Variants in CEP128 observed in about 807,000 individuals in gnomAD.
CEP128 encodes the protein centrosomal protein 128kDa.
A neutral mutation model predicts 156.7 loss-of-function variants in CEP128; 132 were observed. The observed-to-expected ratio is 0.84, with a 90% CI of 0.73 to 0.97. The LOEUF (loss-of-function observed/expected upper bound fraction) is 0.97. Among genes scored for constraint, CEP128 ranks in the 50% least tolerant of loss-of-function variants. CEP128 has a pLI of 0.00. For missense variants in CEP128, 1,252 were observed against 1,281.9 expected (o/e 0.98, Z 0.36); for synonymous variants, 469 against 448.9 (o/e 1.04, Z -0.57).
chr14:80,527,948 C>T (rs1294280779), intron 22 of CEP128, among the ~76,000 whole-genome samples: 1 of 151,660 alleles, frequency 6.6e-6, no homozygotes, highest in Non-Finnish European at 1.5e-5. Flanking sequence ...ATTATTTAGA[C>T]ATTTCTATTA....
chr14:80,578,700 T>C (rs1891459060), intron 20 of CEP128, among the ~76,000 whole-genome samples: 1 of 152,192 alleles, frequency 6.6e-6, no homozygotes, highest in South Asian at 2.1e-4. Flanking sequence ...TCACCTCTGA[T>C]AATCATATGT....
chr14:80,748,362 A>G lies in CEP128; in HGVS notation c.2614-5095T>C, dbSNP rs150860622. Among the ~76,000 whole-genome samples, 63 of 152,314 alleles carry G rather than the reference A, an allele frequency of 4.1e-4. 1 individual carries two copies. The East Asian group carries it at 9.8e-3, about 24-fold the overall frequency. ...AGATAAAATATGTACTTTCTATTATAATTTTCTACTGAAGCACTAACGAAG... is the reference window on the plus strand; with the variant it reads ...AGATAAAATATGTACTTTCTATTATGATTTTCTACTGAAGCACTAACGAAG... On this transcript the variant is annotated intron_variant, in intron 18 of 24. Coordinates refer to ENST00000555265, the MANE Select transcript of CEP128 (RefSeq NM_152446.5).
chr14:80,793,031 A>G lies in CEP128; in HGVS notation c.1289T>C (p.Phe430Ser), dbSNP rs754157712. ...CTTACGCTCGGCCTCACATGTGTCA[A>G]AGTGATTCTGGATCTCCTTAAGTCG... ...LDRLKEIQNH[F>S]DTCEAERKHA... The change falls in exon 14 of 25, where the codon TTT becomes TCT. Residue 430 changes from phenylalanine (F) to serine (S), a missense_variant. By Grantham distance (155) the Phe-to-Ser change is radical. Coordinates refer to ENST00000555265, the MANE Select transcript of CEP128 (RefSeq NM_152446.5). The G allele has an allele frequency of 3.1e-6, 5 of 1,614,050 alleles. No homozygotes were observed. The highest frequency in any genetic ancestry group is 4.2e-6 in the Non-Finnish European group (5 of 1,180,032).
chr14:80,575,150 G>T (rs1427881253), intron 20 of CEP128, among the ~76,000 whole-genome samples: 1 of 149,560 alleles, frequency 6.7e-6, no homozygotes, highest in Non-Finnish European at 1.5e-5. Flanking sequence ...TATAGTATAT[G>T]AAATATTCAT....
rs775707762 is a variant in CEP128 at position 80,914,424 on chromosome 14, G to T, written c.148-16C>A. 6.3e-7 allele frequency: 1 copy of T among 1,582,814 alleles called. No individual in the cohort carries two copies. The highest frequency in any genetic ancestry group is 2.2e-5 in the East Asian group (1 of 44,630). On this transcript the variant is annotated splice_polypyrimidine_tract_variant and intron_variant, in intron 3 of 24. Coordinates refer to ENST00000555265, the MANE Select transcript of CEP128 (RefSeq NM_152446.5). ...GACTGGTATCCTTGAGAAAGAAAAT[G>T]GACTGAATTAATTATTCCAAATACT... is the stretch of plus-strand genomic sequence containing the variant.
At chr14:80,650,344 C>A (rs1454503626) in intron 19 of CEP128, among the ~76,000 whole-genome samples, 1 of 152,130 alleles carries the variant, frequency 6.6e-6, no homozygotes, top group Non-Finnish European at 1.5e-5. Context: ...TCTTAATATA[C>A]AATCATGTCA....
intron 8 of CEP128, among the ~76,000 whole-genome samples, chr14:80,880,820 G>A (rs1050136738): frequency 2.0e-4 from 29 of 148,338 alleles, no homozygotes; most frequent in Middle Eastern, 3.5e-3. Flanking sequence ...TCAAGATCTC[G>A]CCACTGCACT....
At chr14:80,956,415 C>T (rs910531630) in intron 2 of CEP128, among the ~76,000 whole-genome samples, 4 of 152,132 alleles carry the variant, frequency 2.6e-5, no homozygotes, top group Non-Finnish European at 5.9e-5. Flanking sequence ...AATAGTACGT[C>T]CAGAACCCTG....
At chr14:80,750,932 T>A (rs1899358249) in intron 18 of CEP128, among the ~76,000 whole-genome samples, 1 of 151,882 alleles carries the variant, frequency 6.6e-6, no homozygotes, top group Non-Finnish European at 1.5e-5. Flanking sequence ...GTCATAAGAG[T>A]GGACTCTATC....
chr14:80,562,094 A>ATT (rs11426786), intron 20 of CEP128, among the ~76,000 whole-genome samples: 1 of 150,828 alleles, frequency 6.6e-6, no homozygotes, highest in Non-Finnish European at 1.5e-5. Context: ...CATCCGGCTA[A>ATT]TTTTTTTATT....
intron 2 of CEP128, among the ~76,000 whole-genome samples, chr14:80,928,878 T>C (rs10130687): frequency 0.064 from 9,744 of 152,038 alleles, 1,028 homozygotes; most frequent in African/African-American, 0.22. Context: ...CAAAAATAAA[T>C]GGGACCTAAT....
At chr14:80,523,428 C>CATTTTTGT (rs1247479390) in intron 23 of CEP128, among the ~76,000 whole-genome samples, 2 of 152,156 alleles carry the variant, frequency 1.3e-5, no homozygotes, top group Non-Finnish European at 2.9e-5. Flanking sequence ...TAGCCCTTTT[C>CATTTTTGT]ATTTTTGTAC....
At position 80,674,917 on chromosome 14, in the gene CEP128, G is replaced by A. The variant is rs553582642; in HGVS notation, c.2806+68158C>T. On this transcript the variant is annotated intron_variant, in intron 19 of 24. Coordinates refer to ENST00000555265, the MANE Select transcript of CEP128 (RefSeq NM_152446.5). ...CAGCTACATTCCATTAAAACCACCT[G>A]GATAAACTTATAGGGATCCTACTCT... Among the ~76,000 whole-genome samples the A allele has an allele frequency of 7.2e-5, 11 of 151,742 alleles. No homozygotes were observed. In the South Asian group the frequency reaches 2.3e-3, roughly 31 times the overall value.
chr14:80,937,184 G>A (rs1885855076), intron 2 of CEP128, among the ~76,000 whole-genome samples: 1 of 151,894 alleles, frequency 6.6e-6, no homozygotes, highest in South Asian at 2.1e-4. Flanking sequence ...AGCCAGGTGT[G>A]GTAGTGCACA....
At chr14:80,754,825 A>G (rs1899570591) in intron 18 of CEP128, among the ~76,000 whole-genome samples, 1 of 152,180 alleles carries the variant, frequency 6.6e-6, no homozygotes, top group Non-Finnish European at 1.5e-5. Context: ...GTTTCTCAGT[A>G]AATTCCATTA....
In CEP128 at chr14:80,523,332, CA is replaced by C; in HGVS notation, c.3072+3536del. 6.6e-5 allele frequency among the ~76,000 whole-genome samples: 10 copies of C among 152,312 alleles called. 4 individuals carry two copies. The highest frequency in any genetic ancestry group is 6.5e-4 in the Admixed American group (10 of 15,296). On this transcript the variant is annotated intron_variant, in intron 23 of 24. Transcript: ENST00000555265. ...TGCTTTGTCCTTACAAACCTCTTTT[CA>C]AAAGACTCTTGAGCATCTTTCTTTC... is the stretch of plus-strand genomic sequence containing the variant.
At chr14:80,828,365 C>T (rs190682230) in intron 13 of CEP128, among the ~76,000 whole-genome samples, 52 of 152,030 alleles carry the variant, frequency 3.4e-4, no homozygotes, top group Non-Finnish European at 5.4e-4. Flanking sequence ...TCAAGTGATC[C>T]GCCTGCCTTG....
chr14:80,813,148 T>C (rs1884657938), intron 13 of CEP128, among the ~76,000 whole-genome samples: 1 of 152,234 alleles, frequency 6.6e-6, no homozygotes, highest in African/African-American at 2.4e-5. Flanking sequence ...TTTGTAAATA[T>C]TTTCTCCCAT....
At chr14:80,777,812 A>G (rs1268485647) in intron 16 of CEP128, 70 bp downstream of exon 16, 6 of 1,204,196 alleles carry the variant, frequency 5.0e-6, no homozygotes, top group Admixed American at 2.2e-5. Context: ...TTGTTGATAT[A>G]TAAAATATTT....
Sources: gnomAD v4.1 joint callset for allele counts (sites outside exome capture counted in the v4.1 genomes callset) on GRCh38, gnomAD v4.1.1 for gene constraint, MANE v1.5 for transcripts, NCBI Gene and HGNC (gene_info 2026-07-23, HGNC 2026-07-21) for gene names.